The following PUS7 variants were observed in gnomAD, a reference collection of about 807,000 sequenced individuals.
PUS7 encodes pseudouridylate synthase 7 homolog.
Under a neutral mutation model 79.8 loss-of-function variants are expected in PUS7, and 48 were observed. That is an observed-to-expected ratio of 0.60 (90% CI 0.48 to 0.76). PUS7 has a LOEUF of 0.76. Among genes scored for constraint, PUS7 ranks in the 30% least tolerant of loss-of-function variants. PUS7 has a pLI of 0.00. For synonymous variants in PUS7, 286 were observed against 272.2 expected (o/e 1.05, Z -0.50); for missense variants, 729 against 797.6 (o/e 0.91, Z 1.04).
intron 1 of PUS7, among the ~76,000 whole-genome samples, chr7:105,515,268 G>A (rs1014565080): frequency 6.6e-5 from 10 of 152,120 alleles, no homozygotes; most frequent in Admixed American, 5.2e-4. Flanking sequence ...GTAACTATGT[G>A]AAAACCCTGT....
At chr7:105,465,726 G>A (rs1276780618) in intron 12 of PUS7, among the ~76,000 whole-genome samples, 2 of 152,128 alleles carry the variant, frequency 1.3e-5, no homozygotes, top group African/African-American at 4.8e-5. Context: ...CCAGCTACTC[G>A]GGAGGCTGAG....
chr7:105,506,500 G>A (rs1351618477), intron 2 of PUS7, among the ~76,000 whole-genome samples: 1 of 150,270 alleles, frequency 6.7e-6, no homozygotes, highest in Non-Finnish European at 1.5e-5. Flanking sequence ...TCCACTCACT[G>A]CAACCTCCGC....
intron 9 of PUS7, 21 bp from the exon 10 acceptor site, chr7:105,472,214 T>C: frequency 1.4e-6 from 2 of 1,415,774 alleles, no homozygotes; most frequent in South Asian, 1.2e-5. Flanking sequence ...ACAACATTTA[T>C]TTTACTAAAT....
chr7:105,500,660 G>C (rs1825209646), intron 5 of PUS7, among the ~76,000 whole-genome samples: 1 of 152,134 alleles, frequency 6.6e-6, no homozygotes, highest in Non-Finnish European at 1.5e-5. Flanking sequence ...TTCCCAACTG[G>C]GTTCCCTGAG....
At chr7:105,498,446 T>G (rs1406569176) in intron 5 of PUS7, among the ~76,000 whole-genome samples, 2 of 152,226 alleles carry the variant, frequency 1.3e-5, no homozygotes. Flanking sequence ...TGGTTCCTAT[T>G]TGAAGAAGGC....
chr7:105,516,602 C>T (rs546489066), intron 1 of PUS7, among the ~76,000 whole-genome samples: 1 of 151,902 alleles, frequency 6.6e-6, no homozygotes, highest in Non-Finnish European at 1.5e-5. Flanking sequence ...TACAGACGCC[C>T]GCTACCACGC....
intron 11 of PUS7, among the ~76,000 whole-genome samples, chr7:105,469,345 C>G (rs1823784315): frequency 6.6e-6 from 1 of 151,856 alleles, no homozygotes; most frequent in Non-Finnish European, 1.5e-5. Flanking sequence ...GGCTGGAGTG[C>G]AATGACACGA....
chr7:105,476,057 G>T (rs2133104756), intron 9 of PUS7, among the ~76,000 whole-genome samples: 1 of 149,922 alleles, frequency 6.7e-6, no homozygotes, highest in Admixed American at 6.7e-5. Context: ...CCAGAAGGTG[G>T]AGGTTGCAAT....
chr7:105,479,982 C>T (rs966946889), intron 9 of PUS7, among the ~76,000 whole-genome samples: 1 of 150,674 alleles, frequency 6.6e-6, no homozygotes, highest in Admixed American at 6.6e-5. Context: ...TGGGCAACAG[C>T]AAGACTTCAT....
intron 13 of PUS7, among the ~76,000 whole-genome samples, chr7:105,463,245 A>C (rs954382152): frequency 5.3e-5 from 8 of 152,188 alleles, no homozygotes; most frequent in African/African-American, 1.9e-4. Flanking sequence ...TTGCTTGCAC[A>C]GTCATTAATG....
chr7:105,474,590 A>T (rs951083706), intron 9 of PUS7, among the ~76,000 whole-genome samples: 8 of 146,646 alleles, frequency 5.5e-5, no homozygotes, highest in African/African-American at 2.0e-4. Context: ...AACATGGTGA[A>T]ACCCCATCTC....
Position 105,462,441 on chromosome 7 carries a change from C to CAAA in PUS7, c.1757+177_1757+179dup, listed in dbSNP as rs201693364. 3.6e-4 allele frequency: 206 copies of CAAA among 575,606 alleles called. No individual in the cohort carries two copies. In the East Asian group the frequency reaches 5.1e-3, roughly 14 times the overall value. 35.7% of individuals were successfully genotyped at this position (575,606 alleles called of 1,614,324 possible). A position where few individuals can be genotyped will look rare whatever the true frequency, so the allele number is the denominator to read the frequency against. On this transcript the variant is annotated intron_variant, in intron 14 of 15. Coordinates refer to ENST00000469408, the MANE Select transcript of PUS7 (RefSeq NM_019042.5). Reference sequence around the variant, plus strand: ...GTGAAACTCCGTCTCAAAAAAAAACCAAAAAAAAAACAAAAGGTAAGTAAA... The same window carrying CAAA: ...GTGAAACTCCGTCTCAAAAAAAAACCAAAAAAAAAAAAACAAAAGGTAAGTAAA...
intron 2 of PUS7, 133 bp downstream of exon 2, chr7:105,507,982 T>A: frequency 8.1e-7 from 1 of 1,233,438 alleles, no homozygotes. Flanking sequence ...GTTTCCTTCA[T>A]CCTATTCCTT....
chr7:105,502,353 G>C, intron 5 of PUS7, 67 bp downstream of exon 5: 2 of 1,586,394 alleles, frequency 1.3e-6, no homozygotes, highest in East Asian at 2.2e-5. Context: ...AACGGGCAAG[G>C]CTAACGAGGA....
chr7:105,493,996 T>G (rs1480583246), intron 6 of PUS7, among the ~76,000 whole-genome samples: 1 of 152,240 alleles, frequency 6.6e-6, no homozygotes, highest in Non-Finnish European at 1.5e-5. Context: ...CTTGCTGTGG[T>G]GTGTAGCCAC....
chr7:105,509,228 C>T (rs1368293093), intron 1 of PUS7, among the ~76,000 whole-genome samples: 2 of 130,880 alleles, frequency 1.5e-5, no homozygotes, highest in Middle Eastern at 4.2e-3. Context: ...AAGTTGGTTT[C>T]AGCAGATAAA....
At chr7:105,467,631 A>C (rs1823711849) in intron 12 of PUS7, among the ~76,000 whole-genome samples, 1 of 151,824 alleles carries the variant, frequency 6.6e-6, no homozygotes, top group Non-Finnish European at 1.5e-5. Context: ...ACACATCCAG[A>C]GGTGTATTTA....
intron 4 of PUS7, among the ~76,000 whole-genome samples, chr7:105,505,709 T>C (rs932239696): frequency 6.6e-5 from 10 of 152,196 alleles, no homozygotes; most frequent in African/African-American, 2.2e-4. Flanking sequence ...TGGAATAGCA[T>C]GTAACACTGT....
intron 6 of PUS7, among the ~76,000 whole-genome samples, chr7:105,493,567 C>G (rs956627374): frequency 6.6e-6 from 1 of 152,124 alleles, no homozygotes; most frequent in Non-Finnish European, 1.5e-5. Context: ...AAGCTCTGAC[C>G]CCCCAGGACC....
Sources: allele counts gnomAD v4.1 joint callset (sites outside exome capture counted in the v4.1 genomes callset), GRCh38; gene constraint gnomAD v4.1.1; transcripts MANE v1.5; gene names NCBI Gene and HGNC (gene_info 2026-07-23, HGNC 2026-07-21).